The following CNTN5 variants were observed in gnomAD, a reference collection of about 807,000 sequenced individuals.
CNTN5 encodes contactin 5.
A neutral mutation model predicts 129.1 loss-of-function variants in CNTN5; 77 were observed. The observed-to-expected ratio is 0.60, with a 90% CI of 0.50 to 0.72. The LOEUF (loss-of-function observed/expected upper bound fraction) is 0.72, where lower values mean the gene tolerates loss of function less well. Among genes scored for constraint, CNTN5 ranks in the 30% least tolerant of loss-of-function variants. CNTN5 has a pLI of 0.00. For synonymous variants in CNTN5, 509 were observed against 465.6 expected (o/e 1.09, Z -1.20); for missense variants, 1,478 against 1,328.8 (o/e 1.11, Z -1.75).
intron 20 of CNTN5, among the ~76,000 whole-genome samples, chr11:100,302,235 A>G (rs1465368073): frequency 1.3e-5 from 2 of 151,574 alleles, no homozygotes; most frequent in African/African-American, 2.4e-5. Context: ...ATTTTAAAAA[A>G]GAGTAAAGGC....
Position 100,191,309 on chromosome 11 carries a change from G to A in CNTN5, c.1708+56G>A. The A allele has an allele frequency of 2.7e-6, 4 of 1,482,818 alleles. No individual in the cohort carries two copies. The South Asian group carries it at 3.8e-5, about 14-fold the overall frequency. The allele number at this position is 1,482,818 out of a possible 1,614,324, so 91.9% of individuals were successfully genotyped here. ...CATAGTCTCATGGTCTTATCGGAAA[G>A]AGAATAAATATAATATAAATGCATA... On this transcript the variant is annotated intron_variant, in intron 14 of 24. Transcript: ENST00000524871.
intron 8 of CNTN5, among the ~76,000 whole-genome samples, chr11:99,991,498 C>CA (rs888676508): frequency 6.6e-6 from 1 of 150,754 alleles, no homozygotes; most frequent in Non-Finnish European, 1.5e-5. Flanking sequence ...AAACAAAAGA[C>CA]AAAAAAATAA....
At chr11:100,152,625 C>T (rs115996400) in intron 13 of CNTN5, among the ~76,000 whole-genome samples, 7 of 151,964 alleles carry the variant, frequency 4.6e-5, no homozygotes, top group East Asian at 1.9e-4. Flanking sequence ...TTTCCCCAAA[C>T]GAAAACTGCA....
intron 15 of CNTN5, among the ~76,000 whole-genome samples, chr11:100,197,536 T>G (rs2138532936): frequency 6.6e-6 from 1 of 152,046 alleles, no homozygotes; most frequent in South Asian, 2.1e-4. Context: ...CTTGAGAGTT[T>G]ATGTTGGTCA....
chr11:99,630,191 TG>T (rs1951287472), intron 3 of CNTN5, among the ~76,000 whole-genome samples: 4 of 151,970 alleles, frequency 2.6e-5, no homozygotes, highest in South Asian at 4.1e-4. Flanking sequence ...CAAAAATATT[TG>T]GTTTTAAGAC....
At chr11:99,304,956 G>T (rs937820912) in intron 1 of CNTN5, among the ~76,000 whole-genome samples, 2 of 152,140 alleles carry the variant, frequency 1.3e-5, no homozygotes, top group Non-Finnish European at 2.9e-5. Flanking sequence ...GTTACTAATA[G>T]ATATATCTGT....
chr11:99,313,365 T>G (rs758641068), intron 1 of CNTN5, among the ~76,000 whole-genome samples: 4 of 152,094 alleles, frequency 2.6e-5, no homozygotes, highest in African/African-American at 7.2e-5. Flanking sequence ...AAAAGTAATG[T>G]TATTAATACA....
At chr11:99,977,256 G>A (rs1403465090) in intron 8 of CNTN5, among the ~76,000 whole-genome samples, 1 of 152,030 alleles carries the variant, frequency 6.6e-6, no homozygotes, top group Non-Finnish European at 1.5e-5. Flanking sequence ...CAGCATTTTG[G>A]CCAAAACCAT....
chr11:99,303,715 A>G (rs1377661209), intron 1 of CNTN5, among the ~76,000 whole-genome samples: 1 of 151,914 alleles, frequency 6.6e-6, no homozygotes, highest in African/African-American at 2.4e-5. Flanking sequence ...AGTGATTCTC[A>G]CTCTGGGGGT....
chr11:99,125,953 A>G (rs1858606312), intron 1 of CNTN5, among the ~76,000 whole-genome samples: 1 of 152,138 alleles, frequency 6.6e-6, no homozygotes, highest in Non-Finnish European at 1.5e-5. Context: ...TTCCACTTAC[A>G]TGTTCAGAAA....
chr11:100,115,250 A>G (rs1480611926), intron 13 of CNTN5, among the ~76,000 whole-genome samples: 1 of 151,980 alleles, frequency 6.6e-6, no homozygotes, highest in African/African-American at 2.4e-5. Context: ...AGTTCCTACT[A>G]TGCTTTTCCT....
intron 1 of CNTN5, among the ~76,000 whole-genome samples, chr11:99,218,451 C>T (rs1860237717): frequency 6.6e-6 from 1 of 152,026 alleles, no homozygotes; most frequent in Non-Finnish European, 1.5e-5. Flanking sequence ...GAGGTTTTTC[C>T]ACTGACCTAA....
intron 3 of CNTN5, among the ~76,000 whole-genome samples, chr11:99,737,959 AG>A (rs1486389067): frequency 6.6e-6 from 1 of 152,196 alleles, no homozygotes; most frequent in Non-Finnish European, 1.5e-5. Flanking sequence ...ATGCATCCTT[AG>A]TGAAATATAT....
chr11:99,787,195 A>C (rs1333512444), intron 3 of CNTN5, among the ~76,000 whole-genome samples: 2 of 151,294 alleles, frequency 1.3e-5, no homozygotes, highest in Non-Finnish European at 3.0e-5. Context: ...TGATCTTCTT[A>C]ACCAGGGAAG....
At chr11:100,070,661 T>G in intron 11 of CNTN5, 101 bp downstream of exon 11, 1 of 1,060,674 alleles carries the variant, frequency 9.4e-7, no homozygotes, top group Non-Finnish European at 1.4e-6. Context: ...TTTTCCTGTT[T>G]CTGATTCGTA....
intron 8 of CNTN5, among the ~76,000 whole-genome samples, chr11:99,971,159 C>T (rs1243248788): frequency 6.6e-6 from 1 of 152,118 alleles, no homozygotes; most frequent in African/African-American, 2.4e-5. Flanking sequence ...CCATGCAAAT[C>T]GTATTTACCA....
intron 2 of CNTN5, among the ~76,000 whole-genome samples, chr11:99,371,589 A>G (rs141796656): frequency 0.016 from 2,437 of 152,240 alleles, 28 homozygotes; most frequent in Middle Eastern, 0.044. Context: ...AACGTATTTG[A>G]TGGAGTTACA....
chr11:99,333,562 T>C (rs1866091413), intron 2 of CNTN5, among the ~76,000 whole-genome samples: 1 of 152,064 alleles, frequency 6.6e-6, no homozygotes, highest in Non-Finnish European at 1.5e-5. Flanking sequence ...AATTACTTTC[T>C]GAAAATAACT....
In CNTN5 at chr11:100,255,772, C is replaced by T. The variant is rs765678337; in HGVS notation, c.2018C>T (p.Pro673Leu). Residue 673 changes from proline (P) to leucine (L), a missense_variant, in exon 17 of 25, where the codon CCA becomes CTA. Physicochemically the swap from Pro to Leu is moderately conservative, Grantham distance 98 (BLOSUM62 -3). Coordinates refer to ENST00000524871, the MANE Select transcript of CNTN5 (RefSeq NM_014361.4). ...CTTTGACCTATAGGACCCCCAGGCC[C>T]ACCTGGGATAGTAATTGTTGAGGAA... ...AELLVRGPPG[P>L]PGIVIVEEIT... is the part of the protein sequence containing the mutation. The T allele has an allele frequency of 1.9e-6, 3 of 1,613,494 alleles. No homozygotes were observed. Among genetic ancestry groups the T allele is most frequent in the Admixed American group, 1.7e-5 (1 of 59,994 alleles).
Sources: allele counts gnomAD v4.1 joint callset (sites outside exome capture counted in the v4.1 genomes callset), GRCh38; gene constraint gnomAD v4.1.1; transcripts MANE v1.5; gene names NCBI Gene and HGNC (gene_info 2026-07-23, HGNC 2026-07-21).